GABRG3: variants seen among roughly 807,000 people sequenced by gnomAD.
GABRG3 encodes gamma-aminobutyric acid receptor subunit gamma-3.
Under a neutral mutation model 48.8 loss-of-function variants are expected in GABRG3, and 25 were observed. That is an observed-to-expected ratio of 0.51 (90% CI 0.37 to 0.72). The LOEUF (loss-of-function observed/expected upper bound fraction) is 0.72, where lower values mean the gene tolerates loss of function less well. Among genes scored for constraint, GABRG3 ranks in the 30% least tolerant of loss-of-function variants. The probability of loss-of-function intolerance (pLI) is 0.00; values close to 1 mark genes in which losing one functional copy is unlikely to be tolerated. For synonymous variants in GABRG3, 227 were observed against 217.6 expected (o/e 1.04, Z -0.38); for missense variants, 394 against 577.9 (o/e 0.68, Z 3.26).
Position 27,520,138 on chromosome 15 carries a change from A to C in GABRG3, c.865+14A>C. The C allele has an allele frequency of 1.3e-6, 2 of 1,584,112 alleles. No homozygotes were observed. Among genetic ancestry groups the C allele is most frequent in the Non-Finnish European group, 1.7e-6 (2 of 1,167,558 alleles). ...GAACAGCATTAGGTGAGTTTCAAAAAATCTCTTCCACAAATTTGCGTAATT... is the reference window on the plus strand; with the variant it reads ...GAACAGCATTAGGTGAGTTTCAAAACATCTCTTCCACAAATTTGCGTAATT... On this transcript the variant is annotated intron_variant, in intron 7 of 9. Transcript: ENST00000615808.
At chr15:27,099,944 C>T (rs972141897) in intron 3 of GABRG3, among the ~76,000 whole-genome samples, 17 of 152,150 alleles carry the variant, frequency 1.1e-4, no homozygotes, top group South Asian at 4.1e-4. Flanking sequence ...TGGCCGGGCA[C>T]GGTGGCTCAC....
intron 3 of GABRG3, among the ~76,000 whole-genome samples, chr15:27,233,682 A>G (rs1307062637): frequency 6.6e-6 from 1 of 152,116 alleles, no homozygotes; most frequent in Non-Finnish European, 1.5e-5. Flanking sequence ...TTTTGGGAGG[A>G]CACGAACATT....
chr15:26,996,987 T>G (rs1468009070), intron 2 of GABRG3, among the ~76,000 whole-genome samples: 1 of 152,178 alleles, frequency 6.6e-6, no homozygotes, highest in African/African-American at 2.4e-5. Flanking sequence ...CACATCTCTC[T>G]GAATCTCTGT....
At chr15:27,400,117 G>A (rs1887431747) in intron 5 of GABRG3, among the ~76,000 whole-genome samples, 1 of 152,136 alleles carries the variant, frequency 6.6e-6, no homozygotes, top group African/African-American at 2.4e-5. Flanking sequence ...TTTTTCAGAT[G>A]ATGTTTTTCT....
At chr15:27,361,183 A>G (rs753416113) in intron 5 of GABRG3, among the ~76,000 whole-genome samples, 14 of 152,172 alleles carry the variant, frequency 9.2e-5, no homozygotes, top group Non-Finnish European at 1.9e-4. Flanking sequence ...TGACAGTGGA[A>G]CTGTGAAGGG....
intron 5 of GABRG3, among the ~76,000 whole-genome samples, chr15:27,374,160 T>TTTTTTTTTTTTTTTC (rs1895511697): frequency 7.2e-6 from 1 of 139,058 alleles, no homozygotes; most frequent in African/African-American, 2.9e-5. Context: ...TTTTTTTTTT[T>TTTTTTTTTTTTTTTC]TCAGTGTGTC....
chr15:27,253,699 C>T (rs191961802), intron 3 of GABRG3, among the ~76,000 whole-genome samples: 12 of 152,344 alleles, frequency 7.9e-5, no homozygotes, highest in Admixed American at 3.3e-4. Flanking sequence ...GAGCTTCCCT[C>T]GATGGAAAAG....
At chr15:27,421,128 C>T (rs943435297) in intron 5 of GABRG3, among the ~76,000 whole-genome samples, 25 of 152,288 alleles carry the variant, frequency 1.6e-4, no homozygotes, top group Admixed American at 1.3e-3. Context: ...GCTCCTCGAC[C>T]GATGACACAT....
chr15:27,092,077 A>G, intron 3 of GABRG3, among the ~76,000 whole-genome samples: 1 of 152,110 alleles, frequency 6.6e-6, no homozygotes, highest in East Asian at 1.9e-4. Context: ...CTGTTTTATG[A>G]AGCAACAGTT....
intron 3 of GABRG3, among the ~76,000 whole-genome samples, chr15:27,279,955 T>G (rs1385707190): frequency 6.6e-6 from 1 of 152,190 alleles, no homozygotes; most frequent in Non-Finnish European, 1.5e-5. Flanking sequence ...ATATAGATCC[T>G]ATATAGATTT....
intron 3 of GABRG3, among the ~76,000 whole-genome samples, chr15:27,270,195 A>C (rs1363323377): frequency 6.6e-6 from 1 of 152,190 alleles, no homozygotes. Context: ...TTTCTCCATT[A>C]ATATTATGAA....
chr15:27,340,049 T>G (rs1894114821), intron 5 of GABRG3, among the ~76,000 whole-genome samples: 1 of 152,142 alleles, frequency 6.6e-6, no homozygotes, highest in African/African-American at 2.4e-5. Flanking sequence ...CCTCTCCTCT[T>G]GTGTCAGGGA....
At chr15:27,033,451 A>G (rs528156907) in intron 3 of GABRG3, among the ~76,000 whole-genome samples, 1 of 152,234 alleles carries the variant, frequency 6.6e-6, no homozygotes, top group East Asian at 1.9e-4. Context: ...GCAAGGAAGT[A>G]AGTTGGAGCA....
At chr15:27,307,337 A>C (rs866214530) in intron 3 of GABRG3, among the ~76,000 whole-genome samples, 1 of 134,200 alleles carries the variant, frequency 7.5e-6, no homozygotes, top group Non-Finnish European at 1.6e-5. Flanking sequence ...ATATATAACC[A>C]TAGGTTTATA....
At chr15:27,412,852 T>C (rs1029142673) in intron 5 of GABRG3, among the ~76,000 whole-genome samples, 2 of 152,220 alleles carry the variant, frequency 1.3e-5, no homozygotes, top group African/African-American at 2.4e-5. Flanking sequence ...AAAAAATTAA[T>C]GTGTTATTTT....
chr15:27,075,649 A>G (rs968748708), intron 3 of GABRG3, among the ~76,000 whole-genome samples: 3 of 152,238 alleles, frequency 2.0e-5, no homozygotes, highest in Non-Finnish European at 4.4e-5. Flanking sequence ...GGAGATGTTC[A>G]AAGTCATATC....
At chr15:27,251,788 C>G (rs1447967534) in intron 3 of GABRG3, among the ~76,000 whole-genome samples, 2 of 152,110 alleles carry the variant, frequency 1.3e-5, no homozygotes, top group Non-Finnish European at 2.9e-5. Flanking sequence ...CCTGAGGGCA[C>G]GCAGGGTTCA....
chr15:27,149,858 C>A (rs1898278080), intron 3 of GABRG3, among the ~76,000 whole-genome samples: 2 of 152,280 alleles, frequency 1.3e-5, no homozygotes, highest in South Asian at 4.1e-4. Context: ...ATCCGGACAG[C>A]ACCTACCTGA....
At chr15:27,020,059 G>A (rs1895859857) in intron 2 of GABRG3, among the ~76,000 whole-genome samples, 1 of 151,858 alleles carries the variant, frequency 6.6e-6, no homozygotes, top group African/African-American at 2.4e-5. Flanking sequence ...TTAACAGCCC[G>A]GCCCTCCACT....
Sources: gnomAD v4.1 joint callset for allele counts (sites outside exome capture counted in the v4.1 genomes callset) on GRCh38, gnomAD v4.1.1 for gene constraint, MANE v1.5 for transcripts, NCBI Gene and HGNC (gene_info 2026-07-23, HGNC 2026-07-21) for gene names.